WWOX: variants seen among roughly 807,000 people sequenced by gnomAD.
The protein encoded by WWOX is WW domain containing oxidoreductase, also known as WW domain-containing oxidoreductase.
WWOX carries 69 observed loss-of-function variants against 46.2 expected under a neutral mutation model. That is an observed-to-expected ratio of 1.49 (90% CI 1.23 to 1.82). The LOEUF (loss-of-function observed/expected upper bound fraction) is 1.82. Among genes scored for constraint, WWOX ranks in the 40% most tolerant of loss-of-function variants. The pLI, the probability that WWOX is intolerant of heterozygous loss-of-function variation, is 0.00. For missense variants in WWOX, 919 were observed against 542.6 expected, an observed-to-expected ratio of 1.69 and a Z score of -6.89; for synonymous variants, 359 against 202.6, an observed-to-expected ratio of 1.77 and a Z score of -6.56.
At chr16:79,087,536 C>T (rs187021107) in intron 8 of WWOX, among the ~76,000 whole-genome samples, 4 of 152,312 alleles carry the variant, frequency 2.6e-5, no homozygotes, top group Admixed American at 1.3e-4. Context: ...TTGGAAGGAG[C>T]CAGCCAACAG....
chr16:79,018,710 GTGAT>G (rs1386718370), intron 8 of WWOX, among the ~76,000 whole-genome samples: 3 of 152,156 alleles, frequency 2.0e-5, no homozygotes, highest in Non-Finnish European at 4.4e-5. Flanking sequence ...CAACCAGAAA[GTGAT>G]TGATTCTGCA....
At chr16:78,183,775 C>T (rs1045438222) in intron 5 of WWOX, among the ~76,000 whole-genome samples, 5 of 152,266 alleles carry the variant, frequency 3.3e-5, no homozygotes, top group African/African-American at 1.2e-4. Flanking sequence ...CTTGTGCCCA[C>T]GAGGGACTGG....
chr16:78,812,670 G>A (rs1162265991), intron 8 of WWOX, among the ~76,000 whole-genome samples: 1 of 152,012 alleles, frequency 6.6e-6, no homozygotes, highest in Non-Finnish European at 1.5e-5. Flanking sequence ...AGGTTGCAGT[G>A]AGCCAAGATA....
rs151032098 is a variant in WWOX at position 79,036,054 on chromosome 16, C to T, written c.1057-175554C>T. On this transcript the variant is annotated intron_variant, in intron 8 of 8. Coordinates refer to ENST00000566780, the MANE Select transcript of WWOX (RefSeq NM_016373.4). ...ACTCAGCACAGTCCACCTCTGTGGT[C>T]TCTCTGTGGTTTTCTTTCTGTTTTC... Among the ~76,000 whole-genome samples the T allele has an allele frequency of 2.6e-5, 4 of 152,352 alleles. No homozygotes were observed. The East Asian group carries it at 5.8e-4, about 22-fold the overall frequency.
rs1213456874 is a variant in WWOX at position 78,111,162 on chromosome 16, T to G, written c.230+1327T>G. Among the ~76,000 whole-genome samples, 4 of 152,158 alleles carry G rather than the reference T, an allele frequency of 2.6e-5. No homozygotes were observed. The East Asian group carries it at 7.7e-4, about 29-fold the overall frequency. The stretch of plus-strand genomic sequence containing the variant: ...CCTTCCCCTAAGCATGCCTGTAACA[T>G]AACATCTACAATTTCTACTTTCATT... On this transcript the variant is annotated intron_variant, in intron 3 of 8. Transcript: ENST00000566780.
intron 8 of WWOX, among the ~76,000 whole-genome samples, chr16:79,188,571 C>G (rs1423866763): frequency 6.6e-6 from 1 of 152,228 alleles, no homozygotes; most frequent in African/African-American, 2.4e-5. Flanking sequence ...AATTTCCACA[C>G]TTACGAAGTC....
Position 78,792,577 on chromosome 16 carries a change from A to T in WWOX, c.1056+359825A>T, listed in dbSNP as rs190769201. 3.9e-5 allele frequency among the ~76,000 whole-genome samples: 6 copies of T among 152,282 alleles called. No homozygotes were observed. The East Asian group carries it at 1.2e-3, about 29-fold the overall frequency. ...GGGCCATTTAATACAAATTTGTCAC[A>T]TCACACTGGCTTGGATTGATTTTGA... is the stretch of plus-strand genomic sequence containing the variant. On this transcript the variant is annotated intron_variant, in intron 8 of 8. Coordinates refer to ENST00000566780, the MANE Select transcript of WWOX (RefSeq NM_016373.4).
At chr16:79,105,711 G>A (rs755382078) in intron 8 of WWOX, among the ~76,000 whole-genome samples, 14 of 148,840 alleles carry the variant, frequency 9.4e-5, no homozygotes, top group Non-Finnish European at 1.3e-4. Context: ...CACTCAGGCT[G>A]GAGTGCAGTA....
chr16:78,452,726 C>G lies in WWOX; in HGVS notation c.1056+19974C>G, dbSNP rs1597105309. On this transcript the variant is annotated intron_variant, in intron 8 of 8. Transcript: ENST00000566780. The stretch of plus-strand genomic sequence containing the variant: ...CCTGACCTCCATGTGATCGGCCTGC[C>G]TTGGCCTCCCGAAGTGCTGGGATTA... Among the ~76,000 whole-genome samples the G allele has an allele frequency of 2.6e-5, 4 of 151,878 alleles. No homozygotes were observed. In the South Asian group the frequency reaches 8.3e-4, roughly 32 times the overall value.
chr16:78,389,129 C>T (rs1405775697), intron 6 of WWOX, among the ~76,000 whole-genome samples: 1 of 152,244 alleles, frequency 6.6e-6, no homozygotes. Context: ...ATCCCCCAGC[C>T]AGCCAGATCT....
rs543033058 is a variant in WWOX at position 78,222,833 on chromosome 16, G to T, written c.516+58544G>T. Among the ~76,000 whole-genome samples the T allele has an allele frequency of 5.5e-4, 84 of 152,306 alleles. 2 individuals carry two copies. The South Asian group carries it at 0.017, about 32-fold the overall frequency. Reference sequence around the variant, plus strand: ...TTATGGTGCTGAAGAAGTGACACGCGCTCCAGATAAGTAATCTCACAAAAG... The same window carrying T: ...TTATGGTGCTGAAGAAGTGACACGCTCTCCAGATAAGTAATCTCACAAAAG... On this transcript the variant is annotated intron_variant, in intron 5 of 8. Coordinates refer to ENST00000566780, the MANE Select transcript of WWOX (RefSeq NM_016373.4).
intron 8 of WWOX, among the ~76,000 whole-genome samples, chr16:79,186,804 G>C (rs888271410): frequency 3.3e-5 from 5 of 152,032 alleles, no homozygotes; most frequent in Non-Finnish European, 2.9e-5. Flanking sequence ...TGAGGAAACT[G>C]GGGGTCAGGG....
intron 8 of WWOX, among the ~76,000 whole-genome samples, chr16:78,541,145 T>C (rs892663018): frequency 2.0e-5 from 3 of 152,078 alleles, no homozygotes; most frequent in African/African-American, 7.2e-5. Flanking sequence ...ATTTACAAAA[T>C]TGCACATACT....
rs950740193 is a variant in WWOX, at chr16:78,865,678, G to C, written c.1057-345930G>C. 6.6e-5 allele frequency among the ~76,000 whole-genome samples: 10 copies of C among 152,074 alleles called. No individual in the cohort carries two copies. In the South Asian group the frequency reaches 1.0e-3, roughly 16 times the overall value. Reference sequence around the variant, plus strand: ...GTGGATCACCTGAGGTCAGGAGTTCGACACCAGCCTGGCCAACATGGTGAA... The same window carrying C: ...GTGGATCACCTGAGGTCAGGAGTTCCACACCAGCCTGGCCAACATGGTGAA... On this transcript the variant is annotated intron_variant, in intron 8 of 8. Coordinates refer to ENST00000566780, the MANE Select transcript of WWOX (RefSeq NM_016373.4).
Position 79,177,314 on chromosome 16 carries a change from G to C in WWOX, c.1057-34294G>C, listed in dbSNP as rs150172943. 5.6e-3 allele frequency among the ~76,000 whole-genome samples: 846 copies of C among 152,196 alleles called. 7 individuals are homozygous for C. Among genetic ancestry groups the C allele is most frequent in the African/African-American group, 0.019 (807 of 41,516 alleles). The stretch of plus-strand genomic sequence containing the variant: ...CTCGCCTGGCCTCATTGCTCGCTTC[G>C]TTTCGGAGGAAATTTTCCCTGTTAA... On this transcript the variant is annotated intron_variant, in intron 8 of 8. Transcript: ENST00000566780.
intron 8 of WWOX, among the ~76,000 whole-genome samples, chr16:79,145,238 C>A (rs554295575): frequency 6.6e-6 from 1 of 152,100 alleles, no homozygotes; most frequent in Admixed American, 6.5e-5. Flanking sequence ...ATGGTTCTAT[C>A]AGTGATGCCA....
chr16:78,596,097 C>G (rs2045482914), intron 8 of WWOX, among the ~76,000 whole-genome samples: 1 of 151,752 alleles, frequency 6.6e-6, no homozygotes, highest in Admixed American at 6.6e-5. Context: ...TCATGTGTGA[C>G]TATATATGTA....
intron 8 of WWOX, among the ~76,000 whole-genome samples, chr16:78,480,140 A>G (rs530366952): frequency 6.6e-6 from 1 of 152,346 alleles, no homozygotes; most frequent in African/African-American, 2.4e-5. Context: ...TGTGACTATT[A>G]AAATGTAAAT....
chr16:78,587,059 C>A (rs11862979), intron 8 of WWOX, among the ~76,000 whole-genome samples: 1 of 151,984 alleles, frequency 6.6e-6, no homozygotes, highest in African/African-American at 2.4e-5. Flanking sequence ...AAAGCCTCAC[C>A]CTGTTGCCCA....
Sources: allele counts gnomAD v4.1 joint callset (sites outside exome capture counted in the v4.1 genomes callset), GRCh38; gene constraint gnomAD v4.1.1; transcripts MANE v1.5; gene names NCBI Gene and HGNC (gene_info 2026-07-23, HGNC 2026-07-21).